JUNB: variants seen among roughly 807,000 people sequenced by gnomAD.
The protein encoded by JUNB is JunB proto-oncogene, AP-1 transcription factor subunit.
JUNB carries 6 observed loss-of-function variants against 16.4 expected under a neutral mutation model. The ratio of observed to expected loss-of-function variants is 0.37; its 90% CI spans 0.20 to 0.72. JUNB has a LOEUF of 0.72. Among genes scored for constraint, JUNB ranks in the 30% least tolerant of loss-of-function variants. The probability of loss-of-function intolerance (pLI) is 0.53; values close to 1 mark genes in which losing one functional copy is unlikely to be tolerated. For missense variants in JUNB, 389 were observed against 492.9 expected (o/e 0.79, Z 2.00); for synonymous variants, 226 against 232.8 (o/e 0.97, Z 0.27).
Position 12,791,825 on chromosome 19 carries a change from G to C in JUNB, c.54G>C (p.Thr18=), listed in dbSNP as rs946328976. ...PFYHDDSYTA[T]GYGRAPGGLS... ...ACCACGACGACTCATACACAGCTAC[G>C]GGATACGGCCGGGCCCCTGGTGGCC... Residue 18 remains threonine (T), a synonymous_variant, in exon 1 of 1, where the codon ACG becomes ACC. Transcript: ENST00000302754. The surrounding 1 kb of genome is among the most constrained non-coding windows in gnomAD (Gnocchi z 7.0). 8 of 1,613,434 alleles carry C rather than the reference G, an allele frequency of 5.0e-6. No homozygotes were observed. The highest frequency in any genetic ancestry group is 2.7e-5 in the African/African-American group (2 of 74,906).
In JUNB at chr19:12,792,208, T is replaced by C; in HGVS notation, c.437T>C (p.Leu146Pro). ...GGCTTTGTCAAAGCCCTGGACGATC[T>C]GCACAAGATGAACCACGTGACACCC... ...ADGFVKALDD[L>P]HKMNHVTPPN... The change falls in exon 1 of 1, where the codon CTG becomes CCG. Residue 146 changes from leucine (L) to proline (P), a missense_variant. This residue lies in a region of JUNB where 349 missense variants were observed against 389.8 expected (regional missense o/e 0.90). Coordinates refer to ENST00000302754, the MANE Select transcript of JUNB (RefSeq NM_002229.3). The C allele has an allele frequency of 6.4e-7, 1 of 1,555,738 alleles. No individual in the cohort carries two copies. Among genetic ancestry groups the C allele is most frequent in the Non-Finnish European group, 8.7e-7 (1 of 1,148,484 alleles).
Position 12,792,474 on chromosome 19 carries a change from G to A in JUNB, c.703G>A (p.Gly235Ser), listed in dbSNP as rs113612911. 10 of 1,591,774 alleles carry A rather than the reference G, an allele frequency of 6.3e-6. No homozygotes were observed. Among genetic ancestry groups the A allele is most frequent in the Middle Eastern group, 3.4e-4 (2 of 5,960 alleles). ...CCCGGCGCAGCTGGGCTTGGGCCGC[G>A]GCGCCTCCACCTTCAAGGAGGAACC... ...GHPAQLGLGR[G>S]ASTFKEEPQT... The change falls in exon 1 of 1, where the codon GGC becomes AGC. Residue 235 changes from glycine to serine, a missense_variant. Gly to Ser is a moderately conservative substitution (Grantham distance 56). This residue lies in a region of JUNB where 349 missense variants were observed against 389.8 expected (regional missense o/e 0.90). Transcript: ENST00000302754.
In JUNB at chr19:12,792,121, G is replaced by T. The variant is rs1341377695; in HGVS notation, c.350G>T (p.Ser117Ile). 6.3e-7 allele frequency: 1 copy of T among 1,599,532 alleles called. No individual in the cohort carries two copies. Among genetic ancestry groups the T allele is most frequent in the Admixed American group, 1.8e-5 (1 of 57,136 alleles). Residue 117 changes from serine (S) to isoleucine (I), a missense_variant, in exon 1 of 1, where the codon AGC becomes ATC. Coordinates refer to ENST00000302754, the MANE Select transcript of JUNB (RefSeq NM_002229.3). ...TACTTTTACCCCCGCGGGGGTGGCA[G>T]CGGTGGAGGTGCAGGGGGCGCAGGG... Reference protein sequence around the residue: ...GQYFYPRGGGSGGGAGGAGGG... With the variant: ...GQYFYPRGGGIGGGAGGAGGG...
At position 12,792,608 on chromosome 19, in the gene JUNB, G is replaced by A; in HGVS notation, c.837G>A (p.Arg279=). The part of the protein sequence containing the change: ...IKVERKRLRN[R]LAATKCRKRK... ...TGGAGCGCAAGCGGCTGCGGAACCG[G>A]CTGGCGGCCACCAAGTGCCGGAAGC... is the stretch of plus-strand genomic sequence containing the variant. Residue 279 remains arginine, a synonymous_variant, in exon 1 of 1, where the codon CGG becomes CGA. Transcript: ENST00000302754. The A allele has an allele frequency of 1.3e-6, 2 of 1,558,488 alleles. No homozygotes were observed. Among genetic ancestry groups the A allele is most frequent in the East Asian group, 2.4e-5 (1 of 41,366 alleles).
Position 12,792,260 on chromosome 19 carries a change from G to A in JUNB, c.489G>A (p.Gly163=). The A allele has an allele frequency of 6.7e-7, 1 of 1,497,264 alleles. No individual in the cohort carries two copies. Among genetic ancestry groups the A allele is most frequent in the Non-Finnish European group, 8.9e-7 (1 of 1,121,062 alleles). The allele number at this position is 1,497,264 out of a possible 1,614,324, so 92.7% of individuals were successfully genotyped here. ...CCAACGTGTCCCTGGGCGCTACCGGGGGGCCCCCGGCTGGGCCCGGGGGCG... is the reference window on the plus strand; with the variant it reads ...CCAACGTGTCCCTGGGCGCTACCGGAGGGCCCCCGGCTGGGCCCGGGGGCG... ...TPPNVSLGAT[G]GPPAGPGGVY... is the part of the protein sequence containing the mutation. Residue 163 remains glycine (G), a synonymous_variant, in exon 1 of 1, where the codon GGG becomes GGA. Coordinates refer to ENST00000302754, the MANE Select transcript of JUNB (RefSeq NM_002229.3).
In JUNB at chr19:12,792,765, G is replaced by A. The variant is rs1302978545; in HGVS notation, c.994G>A (p.Val332Ile). The change falls in exon 1 of 1, where the codon GTC becomes ATC. Residue 332 changes from valine to isoleucine, a missense_variant. Transcript: ENST00000302754. ...GCTCAAACAGAAGGTCATGACCCACGTCAGCAACGGCTGTCAGCTGCTGCT... is the reference window on the plus strand; with the variant it reads ...GCTCAAACAGAAGGTCATGACCCACATCAGCAACGGCTGTCAGCTGCTGCT... ...AQLKQKVMTHVSNGCQLLLGV... is the reference protein window; with the variant it reads ...AQLKQKVMTHISNGCQLLLGV... The A allele has an allele frequency of 6.2e-7, 1 of 1,607,956 alleles. No individual in the cohort carries two copies. Among genetic ancestry groups the A allele is most frequent in the East Asian group, 2.2e-5 (1 of 44,672 alleles).
At position 12,793,047 on chromosome 19, in the gene JUNB, C is replaced by T; in HGVS notation, c.*232C>T. On this transcript the variant is annotated 3_prime_UTR_variant, in exon 1 of 1. Coordinates refer to ENST00000302754, the MANE Select transcript of JUNB (RefSeq NM_002229.3). The surrounding 1 kb of genome is among the most constrained non-coding windows in gnomAD (Gnocchi z 6.1). ...TTTTCTGCTGGAAACAGACTCGATTCATATTGAATATAATATATTTGTGTA... is the reference window on the plus strand; with the variant it reads ...TTTTCTGCTGGAAACAGACTCGATTTATATTGAATATAATATATTTGTGTA... 1.8e-6 allele frequency: 1 copy of T among 554,514 alleles called. No homozygotes were observed. The highest frequency in any genetic ancestry group is 3.3e-6 in the Non-Finnish European group (1 of 301,126). The allele number at this position is 554,514 out of a possible 1,614,324, so 34.3% of individuals were successfully genotyped here.
rs758977122 is a variant in JUNB, at chr19:12,792,034, A to G, written c.263A>G (p.Glu88Gly). Residue 88 changes from glutamate (E) to glycine (G), a missense_variant, in exon 1 of 1, where the codon GAA becomes GGA. Glu to Gly is a moderately conservative substitution (Grantham distance 98). Coordinates refer to ENST00000302754, the MANE Select transcript of JUNB (RefSeq NM_002229.3). Reference protein sequence around the residue: ...ASLKLASSELERLIVPNSNGV... With the variant: ...ASLKLASSELGRLIVPNSNGV... ...CTCAAGCTCGCCTCTTCGGAGCTGG[A>G]ACGCCTGATTGTCCCCAACAGCAAC... 7 of 1,611,208 alleles carry G rather than the reference A, an allele frequency of 4.3e-6. No individual in the cohort carries two copies. In the East Asian group the frequency reaches 1.3e-4, roughly 31 times the overall value.
chr19:12,792,258 G>C lies in JUNB; in HGVS notation c.487G>C (p.Gly163Arg). Residue 163 changes from glycine to arginine, a missense_variant, in exon 1 of 1, where the codon GGG (glycine) becomes CGG (arginine). By Grantham distance (125) the Gly-to-Arg change is moderately radical. Transcript: ENST00000302754. ...TPPNVSLGAT[G>R]GPPAGPGGVY... The stretch of plus-strand genomic sequence containing the variant: ...CCCCAACGTGTCCCTGGGCGCTACC[G>C]GGGGGCCCCCGGCTGGGCCCGGGGG... 1 of 1,497,284 alleles carries C rather than the reference G, an allele frequency of 6.7e-7. No homozygotes were observed. The highest frequency in any genetic ancestry group is 8.9e-7 in the Non-Finnish European group (1 of 1,120,738). The allele number at this position is 1,497,284 out of a possible 1,614,324, so 92.7% of individuals were successfully genotyped here. A position where few individuals can be genotyped will look rare whatever the true frequency, so the allele number is the denominator to read the frequency against.
At position 12,792,898 on chromosome 19, in the gene JUNB, G is replaced by C. The variant is rs1463525629; in HGVS notation, c.*83G>C. 4.1e-6 allele frequency: 6 copies of C among 1,475,580 alleles called. No individual in the cohort carries two copies. The East Asian group carries it at 1.5e-4, about 36-fold the overall frequency. 91.4% of individuals were successfully genotyped at this position (1,475,580 alleles called of 1,614,324 possible). A position where few individuals can be genotyped will look rare whatever the true frequency, so the allele number is the denominator to read the frequency against. On this transcript the variant is annotated 3_prime_UTR_variant, in exon 1 of 1. Coordinates refer to ENST00000302754, the MANE Select transcript of JUNB (RefSeq NM_002229.3). ...CACTGGGGTCCAGGGAGCAGGCGGT[G>C]GGCACCCACCCTGGGACCTAGGGGC...
Position 12,791,667 on chromosome 19 carries a change from AC to A in JUNB, c.-103del, listed in dbSNP as rs954455278. 2.5e-6 allele frequency: 2 copies of A among 788,288 alleles called. No individual in the cohort carries two copies. Among genetic ancestry groups the A allele is most frequent in the African/African-American group, 3.6e-5 (2 of 54,818 alleles). 48.8% of individuals were successfully genotyped at this position (788,288 alleles called of 1,614,324 possible). A position where few individuals can be genotyped will look rare whatever the true frequency, so the allele number is the denominator to read the frequency against. ...CCGCGCCAGCCCCCGAGAACGCGCG[AC>A]CAGGCACCCAGTCCGGTCACCGCAG... On this transcript the variant is annotated 5_prime_UTR_variant, in exon 1 of 1. Transcript: ENST00000302754. The surrounding 1 kb of genome is among the most constrained non-coding windows in gnomAD (Gnocchi z 7.0).
chr19:12,792,588 C>G lies in JUNB; in HGVS notation c.817C>G (p.Arg273Gly). 2 of 1,564,394 alleles carry G rather than the reference C, an allele frequency of 1.3e-6. No homozygotes were observed. Among genetic ancestry groups the G allele is most frequent in the Non-Finnish European group, 8.7e-7 (1 of 1,154,906 alleles). ...AGACCAAGAGCGCATCAAAGTGGAG[C>G]GCAAGCGGCTGCGGAACCGGCTGGC... ...MEDQERIKVE[R>G]KRLRNRLAAT... The change falls in exon 1 of 1, where the codon CGC becomes GGC. Residue 273 changes from arginine (R) to glycine (G), a missense_variant. Arg to Gly is a moderately radical substitution (Grantham distance 125). Transcript: ENST00000302754.
At position 12,791,996 on chromosome 19, in the gene JUNB, C is replaced by T. The variant is rs760303170; in HGVS notation, c.225C>T (p.Asp75=). The T allele has an allele frequency of 1.9e-6, 3 of 1,611,680 alleles. No homozygotes were observed. Among genetic ancestry groups the T allele is most frequent in the Non-Finnish European group, 2.5e-6 (3 of 1,179,440 alleles). ...GGSYFSGQGS[D]TGASLKLASS... is the part of the protein sequence containing the mutation. ...GCTACTTTTCTGGTCAGGGCTCGGA[C>T]ACCGGCGCGTCTCTCAAGCTCGCCT... Residue 75 remains aspartate, a synonymous_variant, in exon 1 of 1, where the codon GAC becomes GAT. Coordinates refer to ENST00000302754, the MANE Select transcript of JUNB (RefSeq NM_002229.3). The surrounding 1 kb of genome is among the most constrained non-coding windows in gnomAD (Gnocchi z 7.0).
At position 12,792,388 on chromosome 19, in the gene JUNB, G is replaced by T; in HGVS notation, c.617G>T (p.Ser206Ile). The T allele has an allele frequency of 1.3e-6, 2 of 1,590,130 alleles. No homozygotes were observed. The highest frequency in any genetic ancestry group is 1.7e-6 in the Non-Finnish European group (2 of 1,171,176). Residue 206 changes from serine to isoleucine, a missense_variant, in exon 1 of 1, where the codon AGC (serine) becomes ATC (isoleucine). Transcript: ENST00000302754. ...GGAGAAVGTG[S>I]SYPTTTISYL... ...GCCGGGGCTGCCGTCGGGACCGGGA[G>T]CTCGTACCCGACGACCACCATCAGC...
chr19:12,792,521 C>T lies in JUNB; in HGVS notation c.750C>T (p.Arg250=), dbSNP rs564343823. ...AACCGCAGACCGTGCCGGAGGCGCG[C>T]AGCCGGGACGCCACGCCGCCGGTGT... is the stretch of plus-strand genomic sequence containing the variant. The part of the protein sequence containing the change: ...KEEPQTVPEA[R]SRDATPPVSP... Residue 250 remains arginine (R), a synonymous_variant, in exon 1 of 1, where the codon CGC becomes CGT. Transcript: ENST00000302754. 5 of 1,571,582 alleles carry T rather than the reference C, an allele frequency of 3.2e-6. No homozygotes were observed. In the East Asian group the frequency reaches 9.3e-5, roughly 29 times the overall value.
In JUNB at chr19:12,792,926, C is replaced by T; in HGVS notation, c.*111C>T. On this transcript the variant is annotated 3_prime_UTR_variant, in exon 1 of 1. Transcript: ENST00000302754. ...CACCCACCCTGGGACCTAGGGGCGC[C>T]GCAAACCACACTGGACTCCGGCCCT... The T allele has an allele frequency of 7.9e-7, 1 of 1,265,122 alleles. No individual in the cohort carries two copies. The highest frequency in any genetic ancestry group is 1.5e-5 in the South Asian group (1 of 65,824). The allele number at this position is 1,265,122 out of a possible 1,614,324, so 78.4% of individuals were successfully genotyped here.
chr19:12,792,367 G>T lies in JUNB; in HGVS notation c.596G>T (p.Gly199Val). Residue 199 changes from glycine to valine, a missense_variant, in exon 1 of 1, where the codon GGG (glycine) becomes GTG (valine). Physicochemically the swap from Gly to Val is moderately radical, Grantham distance 109 (BLOSUM62 -3). This residue lies in a region of JUNB where 349 missense variants were observed against 389.8 expected (regional missense o/e 0.90). Transcript: ENST00000302754. ...GCCTCTGCGTCCTCGGGAGGCGCCG[G>T]GGCTGCCGTCGGGACCGGGAGCTCG... ...SPASASSGGAGAAVGTGSSYP... is the reference protein window; with the variant it reads ...SPASASSGGAVAAVGTGSSYP... The T allele has an allele frequency of 6.4e-7, 1 of 1,557,572 alleles. No homozygotes were observed. Among genetic ancestry groups the T allele is most frequent in the Non-Finnish European group, 8.7e-7 (1 of 1,152,808 alleles).
rs1002693397 is a variant in JUNB, at chr19:12,791,646, G to T, written c.-126G>T. On this transcript the variant is annotated 5_prime_UTR_variant, in exon 1 of 1. Coordinates refer to ENST00000302754, the MANE Select transcript of JUNB (RefSeq NM_002229.3). The surrounding 1 kb of genome is among the most constrained non-coding windows in gnomAD (Gnocchi z 7.0). ...TGCCGGCTGGCTGCTACCCGCCCGC[G>T]CCAGCCCCCGAGAACGCGCGACCAG... is the stretch of plus-strand genomic sequence containing the variant. The T allele has an allele frequency of 3.6e-5, 23 of 641,930 alleles. No individual in the cohort carries two copies. The Admixed American group carries it at 3.9e-4, about 11-fold the overall frequency. The allele number at this position is 641,930 out of a possible 1,614,324, so 39.8% of individuals were successfully genotyped here. A position where few individuals can be genotyped will look rare whatever the true frequency, so the allele number is the denominator to read the frequency against.
In JUNB at chr19:12,792,491, G is replaced by A. The variant is rs755792301; in HGVS notation, c.720G>A (p.Lys240=). 51 of 1,584,676 alleles carry A rather than the reference G, an allele frequency of 3.2e-5. 1 individual carries two copies. The highest frequency in any genetic ancestry group is 1.7e-4 in the Middle Eastern group (1 of 5,954). ...LGLGRGASTF[K]EEPQTVPEAR... is the part of the protein sequence containing the mutation. ...TGGGCCGCGGCGCCTCCACCTTCAA[G>A]GAGGAACCGCAGACCGTGCCGGAGG... is the stretch of plus-strand genomic sequence containing the variant. The change falls in exon 1 of 1, where the codon AAG becomes AAA. Residue 240 remains lysine, a synonymous_variant. Transcript: ENST00000302754.
Sources: allele counts gnomAD v4.1 joint callset, GRCh38; gene constraint gnomAD v4.1.1; regional missense constraint gnomAD v4.1.1; non-coding constraint Gnocchi (gnomAD v3.1); transcripts MANE v1.5; gene names NCBI Gene and HGNC (gene_info 2026-07-23, HGNC 2026-07-21).